The following NUDT13 variants were observed in gnomAD, a reference collection of about 807,000 sequenced individuals.
NUDT13 encodes the protein nudix hydrolase 13.
A neutral mutation model predicts 41.7 loss-of-function variants in NUDT13; 40 were observed. That is an observed-to-expected ratio of 0.96 (90% CI 0.75 to 1.25). The LOEUF (loss-of-function observed/expected upper bound fraction) is 1.25, where lower values mean the gene tolerates loss of function less well. NUDT13 is among the 50% of genes most tolerant of loss of function. NUDT13 has a pLI of 0.00. For synonymous variants in NUDT13, 145 were observed against 155.5 expected, an observed-to-expected ratio of 0.93 and a Z score of 0.50; for missense variants, 390 against 416.1, an observed-to-expected ratio of 0.94 and a Z score of 0.55.
intron 2 of NUDT13, 50 bp from the exon 3 acceptor site, chr10:73,119,968 C>T: frequency 6.4e-7 from 1 of 1,574,510 alleles, no homozygotes; most frequent in Non-Finnish European, 8.7e-7. Flanking sequence ...GAATGCTATA[C>T]AGGTAACTAA....
In NUDT13 at chr10:73,125,177, C is replaced by G; in HGVS notation, c.525C>G (p.Pro175=). The G allele has an allele frequency of 6.2e-7, 1 of 1,613,704 alleles. No homozygotes were observed. Among genetic ancestry groups the G allele is most frequent in the African/African-American group, 1.3e-5 (1 of 74,964 alleles). Reference sequence around the variant, plus strand: ...AGTTCTGCAGCAGAAGTGGGCAGCCCACCAAGAAGAACGTGGCTGGCAGCA... The same window carrying G: ...AGTTCTGCAGCAGAAGTGGGCAGCCGACCAAGAAGAACGTGGCTGGCAGCA... ...AHQFCSRSGQ[P]TKKNVAGSKR... Residue 175 remains proline (P), a synonymous_variant, in exon 6 of 9, where the codon CCC becomes CCG. Transcript: ENST00000357321.
chr10:73,120,655 A>G (rs1265572207), intron 3 of NUDT13, among the ~76,000 whole-genome samples: 1 of 152,004 alleles, frequency 6.6e-6, no homozygotes, highest in African/African-American at 2.4e-5. Flanking sequence ...GAGTTCCATC[A>G]TGGCCAGGCG....
At chr10:73,117,766 C>A (rs925877441) in intron 2 of NUDT13, among the ~76,000 whole-genome samples, 1 of 151,922 alleles carries the variant, frequency 6.6e-6, no homozygotes, top group Admixed American at 6.6e-5. Context: ...TGATGATTTT[C>A]TTTTCAAAAA....
Position 73,126,797 on chromosome 10 carries a change from C to T in NUDT13, c.828C>T (p.Cys276=). 6.2e-7 allele frequency: 1 copy of T among 1,614,072 alleles called. No individual in the cohort carries two copies. Among genetic ancestry groups the T allele is most frequent in the Non-Finnish European group, 8.5e-7 (1 of 1,179,978 alleles). Reference sequence around the variant, plus strand: ...CTAGTGGCTCACTCATGATTGCTTGCCATGCAACTGTGAAACCAGGGCAGA... The same window carrying T: ...CTAGTGGCTCACTCATGATTGCTTGTCATGCAACTGTGAAACCAGGGCAGA... ...PFPSGSLMIA[C]HATVKPGQTE... The change falls in exon 8 of 9, where the codon TGC becomes TGT. Residue 276 remains cysteine, a synonymous_variant. Coordinates refer to ENST00000357321, the MANE Select transcript of NUDT13 (RefSeq NM_015901.6).
intron 2 of NUDT13, chr10:73,119,597 G>C (rs1335779126): frequency 2.7e-6 from 1 of 370,618 alleles, no homozygotes; most frequent in Admixed American, 6.2e-5. Context: ...TTGCCTCACA[G>C]TGTAATATTG....
In NUDT13 at chr10:73,130,927, C is replaced by G; in HGVS notation, c.*24C>G. Reference sequence around the variant, plus strand: ...AGCCCGGATCAAGTCACTTAGATCGCTCCTTGGTATTCCTGAGGGACAAAC... The same window carrying G: ...AGCCCGGATCAAGTCACTTAGATCGGTCCTTGGTATTCCTGAGGGACAAAC... On this transcript the variant is annotated 3_prime_UTR_variant, in exon 9 of 9. Coordinates refer to ENST00000357321, the MANE Select transcript of NUDT13 (RefSeq NM_015901.6). The G allele has an allele frequency of 6.3e-7, 1 of 1,590,536 alleles. No homozygotes were observed. The highest frequency in any genetic ancestry group is 8.6e-7 in the Non-Finnish European group (1 of 1,160,054).
chr10:73,112,797 CTTTT>C (rs1378850490), intron 1 of NUDT13, among the ~76,000 whole-genome samples: 1 of 151,824 alleles, frequency 6.6e-6, no homozygotes, highest in African/African-American at 2.4e-5. Context: ...TTCCTCCTTG[CTTTT>C]TTTGTTTACT....
chr10:73,115,058 T>C (rs1842474391), intron 2 of NUDT13: 1 of 152,140 alleles, frequency 6.6e-6, no homozygotes, highest in African/African-American at 2.4e-5. Flanking sequence ...TGGAGGGTGG[T>C]GCACCCAGGG....
At chr10:73,127,492 G>GAGACAATTTATTT (rs1842816158) in intron 8 of NUDT13, among the ~76,000 whole-genome samples, 1 of 151,698 alleles carries the variant, frequency 6.6e-6, no homozygotes, top group Non-Finnish European at 1.5e-5. Context: ...TGTCAATCAC[G>GAGACAATTTATTT]AGACAATTTA....
chr10:73,121,808 C>G (rs888695834), intron 3 of NUDT13, among the ~76,000 whole-genome samples: 1 of 152,086 alleles, frequency 6.6e-6, no homozygotes, highest in African/African-American at 2.4e-5. Flanking sequence ...ATCCTCCCTG[C>G]CCCCCAGCCT....
At chr10:73,111,984 A>G (rs6480670) in intron 1 of NUDT13, among the ~76,000 whole-genome samples, 23,936 of 152,038 alleles carry the variant, frequency 0.16, 3,128 homozygotes, top group African/African-American at 0.34. Context: ...CTTTTTCAAT[A>G]TTTGTCTTCA....
chr10:73,122,195 A>G lies in NUDT13; in HGVS notation c.244A>G (p.Lys82Glu). Residue 82 changes from lysine to glutamate, a missense_variant, in exon 4 of 9, where the codon AAA becomes GAA. Lys to Glu is a moderately conservative substitution (Grantham distance 56). Transcript: ENST00000357321. ...CTTAGAGTTGGAAAGGCTCCTGGGT[A>G]AATTTGGACAGGATGCACAAAGAAT... ...SLLELERLLG[K>E]FGQDAQRIED... 6.2e-7 allele frequency: 1 copy of G among 1,613,154 alleles called. No homozygotes were observed. Among genetic ancestry groups the G allele is most frequent in the Non-Finnish European group, 8.5e-7 (1 of 1,179,772 alleles).
At chr10:73,119,376 TG>T (rs1275706112) in intron 2 of NUDT13, 8 of 356,388 alleles carry the variant, frequency 2.2e-5, no homozygotes, top group African/African-American at 1.8e-4. Flanking sequence ...AAGGAGTTAA[TG>T]GTATCTACTT....
At chr10:73,125,648 A>T in intron 7 of NUDT13, 139 bp downstream of exon 7, 1 of 231,956 alleles carries the variant, frequency 4.3e-6, no homozygotes, top group Non-Finnish European at 7.7e-6. Flanking sequence ...GCTTTCTGGC[A>T]TTTTATATAT....
chr10:73,125,578 T>A, intron 7 of NUDT13, 69 bp downstream of exon 7: 1 of 1,069,622 alleles, frequency 9.3e-7, no homozygotes, highest in African/African-American at 1.6e-5. Flanking sequence ...ATCTTCTCTG[T>A]CTTGTTGCTA....
In NUDT13 at chr10:73,120,094, AG is replaced by A; in HGVS notation, c.161del (p.Ser54IlefsTer21). ...QQTGAFYLFH[S>X]LAPLLQTSAH... ...AACAGGAGCGTTTTACCTCTTTCAT[AG>A]TCTGGCTCCTCTGCTTCAGACTTCA... On this transcript the variant is annotated frameshift_variant, in exon 3 of 9. Transcript: ENST00000357321. LOFTEE classifies it high-confidence loss of function. 6.2e-7 allele frequency: 1 copy of A among 1,614,214 alleles called. No homozygotes were observed. Among genetic ancestry groups the A allele is most frequent in the African/African-American group, 1.3e-5 (1 of 75,052 alleles).
intron 2 of NUDT13, among the ~76,000 whole-genome samples, chr10:73,118,206 A>G (rs1273752193): frequency 6.6e-6 from 1 of 152,226 alleles, no homozygotes; most frequent in African/African-American, 2.4e-5. Flanking sequence ...GTGACTCATA[A>G]GTTTAAAAAT....
chr10:73,113,613 A>C (rs1174054311), intron 1 of NUDT13, among the ~76,000 whole-genome samples: 2 of 152,120 alleles, frequency 1.3e-5, no homozygotes, highest in African/African-American at 4.8e-5. Context: ...GTGTTCTTTA[A>C]GGGACCCTGA....
intron 2 of NUDT13, among the ~76,000 whole-genome samples, chr10:73,116,546 C>G (rs1203803647): frequency 6.6e-6 from 1 of 152,012 alleles, no homozygotes; most frequent in Non-Finnish European, 1.5e-5. Flanking sequence ...GAGTTCGAGA[C>G]CAGCTTGGCC....
Sources: gnomAD v4.1 joint callset for allele counts (sites outside exome capture counted in the v4.1 genomes callset) on GRCh38, gnomAD v4.1.1 for gene constraint, MANE v1.5 for transcripts, NCBI Gene and HGNC (gene_info 2026-07-23, HGNC 2026-07-21) for gene names.